SAMD4A: variants seen among roughly 807,000 people sequenced by gnomAD.
SAMD4A encodes protein Smaug homolog 1.
SAMD4A carries 33 observed loss-of-function variants against 81.3 expected under a neutral mutation model. The ratio of observed to expected loss-of-function variants is 0.41; its 90% CI spans 0.31 to 0.54. The LOEUF (loss-of-function observed/expected upper bound fraction) is 0.54, where lower values mean the gene tolerates loss of function less well. Among genes scored for constraint, SAMD4A ranks in the 20% least tolerant of loss-of-function variants. The pLI, the probability that SAMD4A is intolerant of heterozygous loss-of-function variation, is 0.37. For synonymous variants in SAMD4A, 389 were observed against 382.1 expected (o/e 1.02, Z -0.21); for missense variants, 854 against 951.1 (o/e 0.90, Z 1.34).
chr14:54,760,117 T>G, intron 6 of SAMD4A, 44 bp from the exon 7 acceptor site: 1 of 1,590,648 alleles, frequency 6.3e-7, no homozygotes, highest in South Asian at 1.1e-5. Flanking sequence ...TGGATGACCC[T>G]TATTCCTGAG....
chr14:54,698,603 A>C (rs2036632308), intron 2 of SAMD4A, among the ~76,000 whole-genome samples: 1 of 152,240 alleles, frequency 6.6e-6, no homozygotes, highest in South Asian at 2.1e-4. Flanking sequence ...GAAAACATTC[A>C]ATACTGTTGG....
At chr14:54,681,983 C>G (rs1359471987) in intron 2 of SAMD4A, 1 of 985,228 alleles carries the variant, frequency 1.0e-6, no homozygotes. Context: ...ATTATGCTGT[C>G]ATAACATGCA....
At chr14:54,689,993 G>A (rs1466245418) in intron 2 of SAMD4A, 1 of 152,236 alleles carries the variant, frequency 6.6e-6, no homozygotes, top group Non-Finnish European at 1.5e-5. Flanking sequence ...ACAAAGCTGA[G>A]GAGGAACAGA....
At chr14:54,664,063 T>TA (rs1483533534) in intron 2 of SAMD4A, among the ~76,000 whole-genome samples, 2 of 152,190 alleles carry the variant, frequency 1.3e-5, no homozygotes, top group African/African-American at 2.4e-5. Flanking sequence ...ATGAATTTGC[T>TA]AAAAAATAAA....
At chr14:54,784,265 C>T in intron 11 of SAMD4A, 1 of 1,195,534 alleles carries the variant, frequency 8.4e-7, no homozygotes, top group South Asian at 1.3e-5. Context: ...TGATGGGAGG[C>T]CGCTGGAGGG....
intron 2 of SAMD4A, among the ~76,000 whole-genome samples, chr14:54,675,367 C>CAAAAGAAAAAAA (rs2035969877): frequency 1.3e-5 from 1 of 75,390 alleles, no homozygotes; most frequent in Non-Finnish European, 2.5e-5. Context: ...ACTCCGTCTC[C>CAAAAGAAAAAAA]AAAAAAAAAA....
intron 9 of SAMD4A, among the ~76,000 whole-genome samples, chr14:54,770,721 T>C (rs1020304741): frequency 6.6e-6 from 1 of 152,228 alleles, no homozygotes; most frequent in Non-Finnish European, 1.5e-5. Context: ...AGTACAATTC[T>C]TGATTTTTCC....
chr14:54,733,308 T>C (rs992289087), intron 3 of SAMD4A, among the ~76,000 whole-genome samples: 1 of 152,224 alleles, frequency 6.6e-6, no homozygotes, highest in African/African-American at 2.4e-5. Flanking sequence ...GTCCTAATGA[T>C]ATATGCATGC....
chr14:54,573,100 T>C (rs1037126030), intron 2 of SAMD4A, among the ~76,000 whole-genome samples: 2 of 152,240 alleles, frequency 1.3e-5, no homozygotes, highest in Non-Finnish European at 2.9e-5. Flanking sequence ...TTAGGGGCTT[T>C]ATATATGAAG....
At chr14:54,770,053 C>A in intron 8 of SAMD4A, 51 bp from the exon 9 acceptor site, 3 of 1,187,128 alleles carry the variant, frequency 2.5e-6, no homozygotes, top group Non-Finnish European at 3.8e-6. Context: ...ATGTTTCTCC[C>A]TCTAATGCCA....
At chr14:54,624,209 G>A (rs777078491) in intron 2 of SAMD4A, among the ~76,000 whole-genome samples, 2 of 151,908 alleles carry the variant, frequency 1.3e-5, no homozygotes, top group Admixed American at 1.3e-4. Context: ...TCCTGACCTT[G>A]TGATCCACCC....
chr14:54,646,498 T>C (rs1041797116), intron 2 of SAMD4A, among the ~76,000 whole-genome samples: 3 of 152,256 alleles, frequency 2.0e-5, no homozygotes, highest in Admixed American at 6.5e-5. Flanking sequence ...CTGCTGCCAT[T>C]GATCCAGGGT....
intron 2 of SAMD4A, among the ~76,000 whole-genome samples, chr14:54,700,494 G>C (rs546069450): frequency 1.1e-4 from 17 of 152,332 alleles, no homozygotes; most frequent in Non-Finnish European, 2.5e-4. Context: ...ATGGTCAACA[G>C]TGATAACTGG....
intron 3 of SAMD4A, among the ~76,000 whole-genome samples, chr14:54,719,736 C>T (rs1286981971): frequency 6.6e-6 from 1 of 152,172 alleles, no homozygotes; most frequent in African/African-American, 2.4e-5. Context: ...GGAGAAATAG[C>T]TTAACCTCTC....
At chr14:54,698,420 C>T (rs1300476076) in intron 2 of SAMD4A, among the ~76,000 whole-genome samples, 1 of 152,162 alleles carries the variant, frequency 6.6e-6, no homozygotes, top group Non-Finnish European at 1.5e-5. Flanking sequence ...ATTTGCCTAC[C>T]TCCATTCTGC....
rs907509339 is a variant in SAMD4A, at chr14:54,737,023, G to C, written c.716-1G>C. On this transcript the variant is annotated splice_acceptor_variant, in intron 3 of 12. Coordinates refer to ENST00000554335, the MANE Select transcript of SAMD4A (RefSeq NM_015589.6). LOFTEE classifies it high-confidence loss of function. ...CTATTTCATTTTATTTTTTTTTCCA[G>C]TTCTCTCAGGCCAGGCACACCACAG... 6.2e-7 allele frequency: 1 copy of C among 1,610,670 alleles called. No homozygotes were observed. Among genetic ancestry groups the C allele is most frequent in the Non-Finnish European group, 8.5e-7 (1 of 1,179,252 alleles).
chr14:54,656,648 G>A, intron 2 of SAMD4A, among the ~76,000 whole-genome samples: 1 of 152,152 alleles, frequency 6.6e-6, no homozygotes. Flanking sequence ...TGTTTTTTGA[G>A]ATGGAGTCTC....
At chr14:54,699,933 C>A (rs575420125) in intron 2 of SAMD4A, among the ~76,000 whole-genome samples, 2 of 152,326 alleles carry the variant, frequency 1.3e-5, no homozygotes, top group Non-Finnish European at 1.5e-5. Context: ...AAGTAGTTGA[C>A]TCTTTGGCAT....
chr14:54,583,949 C>T (rs1198109129), intron 2 of SAMD4A, among the ~76,000 whole-genome samples: 3 of 152,128 alleles, frequency 2.0e-5, no homozygotes, highest in African/African-American at 7.2e-5. Flanking sequence ...TTAATTTTCT[C>T]CACCAGTGTA....
Sources: gnomAD v4.1 joint callset for allele counts (sites outside exome capture counted in the v4.1 genomes callset) on GRCh38, gnomAD v4.1.1 for gene constraint, MANE v1.5 for transcripts, NCBI Gene and HGNC (gene_info 2026-07-23, HGNC 2026-07-21) for gene names.